KCNB2: variants seen among roughly 807,000 people sequenced by gnomAD.
KCNB2 encodes the protein delayed rectifier potassium channel protein.
KCNB2 carries 15 observed loss-of-function variants against 61.5 expected under a neutral mutation model. The ratio of observed to expected loss-of-function variants is 0.24; its 90% CI spans 0.16 to 0.38. KCNB2 has a LOEUF of 0.38. Among genes scored for constraint, KCNB2 ranks in the 10% least tolerant of loss-of-function variants. The pLI is 1.00. For synonymous variants in KCNB2, 457 were observed against 446.0 expected (o/e 1.02, Z -0.31); for missense variants, 828 against 1,125.2 (o/e 0.74, Z 3.78).
At chr8:72,707,532 A>G (rs115077546) in intron 2 of KCNB2, among the ~76,000 whole-genome samples, 2,442 of 152,238 alleles carry the variant, frequency 0.016, 69 homozygotes, top group African/African-American at 0.056. Context: ...CAGTGATATG[A>G]GCTAGACAGT....
chr8:72,541,516 G>A (rs894349175), intron 1 of KCNB2, among the ~76,000 whole-genome samples: 7 of 152,024 alleles, frequency 4.6e-5, no homozygotes, highest in Admixed American at 4.6e-4. Context: ...ATTCAGAAGT[G>A]TTAAAAACGA....
At chr8:72,933,628 G>A (rs1231392003) in intron 2 of KCNB2, among the ~76,000 whole-genome samples, 1 of 152,204 alleles carries the variant, frequency 6.6e-6, no homozygotes, top group Non-Finnish European at 1.5e-5. Flanking sequence ...GAACGGATGG[G>A]ATCTGACCAT....
At chr8:72,724,356 A>C (rs1807598384) in intron 2 of KCNB2, among the ~76,000 whole-genome samples, 1 of 152,198 alleles carries the variant, frequency 6.6e-6, no homozygotes, top group South Asian at 2.1e-4. Context: ...CAAATGGAGG[A>C]CAAAGAATGT....
intron 2 of KCNB2, among the ~76,000 whole-genome samples, chr8:72,914,189 T>C (rs1360555374): frequency 6.6e-6 from 1 of 152,132 alleles, no homozygotes; most frequent in African/African-American, 2.4e-5. Flanking sequence ...AGGGTACTCA[T>C]CCCATTGATG....
At chr8:72,726,400 G>A (rs916368151) in intron 2 of KCNB2, among the ~76,000 whole-genome samples, 4 of 152,138 alleles carry the variant, frequency 2.6e-5, no homozygotes, top group African/African-American at 4.8e-5. Context: ...CCATGCTGAC[G>A]CAGACCAATA....
chr8:72,882,307 C>T (rs1223273967), intron 2 of KCNB2, among the ~76,000 whole-genome samples: 1 of 152,160 alleles, frequency 6.6e-6, no homozygotes, highest in African/African-American at 2.4e-5. Context: ...ACTGGAAAAA[C>T]TCACCTGCCT....
intron 2 of KCNB2, among the ~76,000 whole-genome samples, chr8:72,790,780 G>A (rs1371552203): frequency 3.3e-5 from 5 of 152,110 alleles, no homozygotes; most frequent in African/African-American, 4.8e-5. Flanking sequence ...GCTTGTATGT[G>A]TAATTTGTAT....
At chr8:72,753,673 T>G (rs1359598928) in intron 2 of KCNB2, among the ~76,000 whole-genome samples, 1 of 152,196 alleles carries the variant, frequency 6.6e-6, no homozygotes, top group Non-Finnish European at 1.5e-5. Context: ...TAGACTTGCC[T>G]TCATAGTTAA....
intron 2 of KCNB2, among the ~76,000 whole-genome samples, chr8:72,584,487 T>TA (rs995464383): frequency 1.1e-4 from 17 of 151,400 alleles, no homozygotes; most frequent in South Asian, 2.1e-4. Context: ...AAAAAACTAT[T>TA]AAAAAAAAAC....
intron 2 of KCNB2, among the ~76,000 whole-genome samples, chr8:72,854,180 G>A (rs1476803321): frequency 6.6e-6 from 1 of 152,100 alleles, no homozygotes; most frequent in Non-Finnish European, 1.5e-5. Context: ...AGCTATTATG[G>A]CATTCCCTAA....
At chr8:72,882,520 T>TGAGAGAGAGAGAGAGAGAGAGAGAGAGA (rs147239924) in intron 2 of KCNB2, among the ~76,000 whole-genome samples, 42 of 115,448 alleles carry the variant, frequency 3.6e-4, no homozygotes, top group Non-Finnish European at 4.4e-4. Context: ...TGCTGACAGT[T>TGAGAGAGAGAGAGAGAGAGAGAGAGAGA]GAGAGAGAGA....
intron 2 of KCNB2, among the ~76,000 whole-genome samples, chr8:72,735,577 A>C (rs1002787000): frequency 6.6e-6 from 1 of 152,178 alleles, no homozygotes; most frequent in African/African-American, 2.4e-5. Flanking sequence ...CAGACACTGA[A>C]GCTCATTCCT....
intron 2 of KCNB2, among the ~76,000 whole-genome samples, chr8:72,640,339 G>A (rs900987596): frequency 6.6e-6 from 1 of 152,046 alleles, no homozygotes; most frequent in East Asian, 1.9e-4. Context: ...ATGAGTAAGT[G>A]AACAGCTGAA....
At chr8:72,583,739 C>CTGAAT (rs1310891286) in intron 2 of KCNB2, among the ~76,000 whole-genome samples, 1 of 152,058 alleles carries the variant, frequency 6.6e-6, no homozygotes, top group Non-Finnish European at 1.5e-5. Context: ...TGGAGAGAGA[C>CTGAAT]TGAATCCCAT....
intron 2 of KCNB2, among the ~76,000 whole-genome samples, chr8:72,718,055 A>G (rs1807476750): frequency 1.3e-5 from 2 of 152,244 alleles, no homozygotes; most frequent in East Asian, 1.9e-4. Context: ...CAAAAAACAC[A>G]TGAAAAAATG....
At chr8:72,726,958 A>G (rs1317382035) in intron 2 of KCNB2, among the ~76,000 whole-genome samples, 1 of 152,168 alleles carries the variant, frequency 6.6e-6, no homozygotes, top group African/African-American at 2.4e-5. Flanking sequence ...GAGCTCTGAT[A>G]GCAACGTGAA....
chr8:72,732,718 A>T (rs987139491), intron 2 of KCNB2, among the ~76,000 whole-genome samples: 1 of 152,174 alleles, frequency 6.6e-6, no homozygotes, highest in Admixed American at 6.5e-5. Context: ...CTGTTTTTCA[A>T]CCATGCTTGA....
rs1030033305 is a variant in KCNB2 at position 72,937,206 on chromosome 8, G to C, written c.1851G>C (p.Glu617Asp). The change falls in exon 3 of 3, where the codon GAG (glutamate) becomes GAC (aspartate). Residue 617 changes from glutamate to aspartate, a missense_variant. Glu to Asp is a conservative substitution (Grantham distance 45). Coordinates refer to ENST00000523207, the MANE Select transcript of KCNB2 (RefSeq NM_004770.3). ...TSCATDFTET[E>D]RSPLPPPSAS... ...GTGCCACCGACTTCACAGAGACAGA[G>C]AGATCGCCGCTGCCGCCGCCCTCCG... 1.9e-6 allele frequency: 3 copies of C among 1,613,950 alleles called. No homozygotes were observed. The highest frequency in any genetic ancestry group is 2.2e-5 in the East Asian group (1 of 44,862).
chr8:72,691,087 T>C lies in KCNB2; in HGVS notation c.579+122774T>C, dbSNP rs147243949. On this transcript the variant is annotated intron_variant, in intron 2 of 2. Coordinates refer to ENST00000523207, the MANE Select transcript of KCNB2 (RefSeq NM_004770.3). ...TTCGACTCCCCCAGGCTAAGAGGCATTTAATCTGTTTCCCTTTTGAATTAA... is the reference window on the plus strand; with the variant it reads ...TTCGACTCCCCCAGGCTAAGAGGCACTTAATCTGTTTCCCTTTTGAATTAA... Among the ~76,000 whole-genome samples the C allele has an allele frequency of 1.8e-4, 28 of 152,350 alleles. No homozygotes were observed. The East Asian group carries it at 3.5e-3, about 19-fold the overall frequency.
Sources: allele counts gnomAD v4.1 joint callset (sites outside exome capture counted in the v4.1 genomes callset), GRCh38; gene constraint gnomAD v4.1.1; transcripts MANE v1.5; gene names NCBI Gene and HGNC (gene_info 2026-07-23, HGNC 2026-07-21).